Variants in PAQR5 observed in about 807,000 individuals in gnomAD.
PAQR5 encodes the protein membrane progestin receptor gamma.
Under a neutral mutation model 34.5 loss-of-function variants are expected in PAQR5, and 20 were observed. The ratio of observed to expected loss-of-function variants is 0.58; its 90% CI spans 0.41 to 0.84. The LOEUF is 0.84. PAQR5 is among the 40% of genes least tolerant of loss of function. The pLI is 0.00. For missense variants in PAQR5, 378 were observed against 412.7 expected (o/e 0.92, Z 0.73); for synonymous variants, 131 against 155.6 (o/e 0.84, Z 1.18).
rs956881974 is a variant in PAQR5 at position 69,349,644 on chromosome 15, T to TA, written c.-115-10322_-115-10321insA. Among the ~76,000 whole-genome samples, 8 of 151,930 alleles carry TA rather than the reference T, an allele frequency of 5.3e-5. 1 individual carries two copies. Among genetic ancestry groups the TA allele is most frequent in the African/African-American group, 1.9e-4 (8 of 41,350 alleles). On this transcript the variant is annotated intron_variant, in intron 2 of 8. Transcript: ENST00000395407. Reference sequence around the variant, plus strand: ...GATCTCCCTTAGTTTATTTTTATTTTTTTTTTTATTTTTTGAGACGGAGTT... The same window carrying TA: ...GATCTCCCTTAGTTTATTTTTATTTTATTTTTTTATTTTTTGAGACGGAGTT...
At chr15:69,347,705 C>T (rs997621121) in intron 2 of PAQR5, among the ~76,000 whole-genome samples, 1 of 152,252 alleles carries the variant, frequency 6.6e-6, no homozygotes, top group African/African-American at 2.4e-5. Context: ...GTTCAGGAGG[C>T]TGGAACTTCA....
intron 3 of PAQR5, among the ~76,000 whole-genome samples, chr15:69,366,928 G>T (rs997060981): frequency 2.0e-5 from 3 of 151,904 alleles, no homozygotes; most frequent in Non-Finnish European, 2.9e-5. Context: ...GTATGATTTT[G>T]TAGTGATTAT....
chr15:69,300,877 C>CTT (rs1202173284), intron 1 of PAQR5, among the ~76,000 whole-genome samples: 1 of 27,736 alleles, frequency 3.6e-5, no homozygotes, highest in East Asian at 1.0e-3. Flanking sequence ...TTCTTTCTTT[C>CTT]TTTCTTTCTT....
At chr15:69,321,147 G>A (rs1262618752) in intron 1 of PAQR5, among the ~76,000 whole-genome samples, 3 of 152,218 alleles carry the variant, frequency 2.0e-5, no homozygotes, top group Non-Finnish European at 2.9e-5. Flanking sequence ...CCACATGTTA[G>A]GAAAGTCTGT....
chr15:69,301,859 A>ATTTTTTTTTTTTTTT lies in PAQR5; in HGVS notation c.-277+2826_-277+2840dup, dbSNP rs71149903. 2.9e-4 allele frequency among the ~76,000 whole-genome samples: 29 copies of ATTTTTTTTTTTTTTT among 98,852 alleles called. 3 individuals carry two copies. Among genetic ancestry groups the ATTTTTTTTTTTTTTT allele is most frequent in the Non-Finnish European group, 4.3e-4 (24 of 55,910 alleles). The allele number at this position is 98,852 out of a possible 152,430, so 64.9% of individuals were successfully genotyped here. A position where few individuals can be genotyped will look rare whatever the true frequency, so the allele number is the denominator to read the frequency against. On this transcript the variant is annotated intron_variant, in intron 1 of 8. Coordinates refer to ENST00000395407, the MANE Select transcript of PAQR5 (RefSeq NM_017705.4). ...GTGAATTCATAAGAAATGGGGGGAG[A>ATTTTTTTTTTTTTTT]TTTTTTTTTTTTTTTTTTTTTTTTT...
At chr15:69,320,500 G>C (rs904849176) in intron 1 of PAQR5, among the ~76,000 whole-genome samples, 1 of 152,036 alleles carries the variant, frequency 6.6e-6, no homozygotes, top group Non-Finnish European at 1.5e-5. Context: ...TGCATGCTCG[G>C]GTAAGATCAC....
Position 69,374,434 on chromosome 15 carries a change from G to T in PAQR5, c.52-5449G>T, listed in dbSNP as rs8025288. Among the ~76,000 whole-genome samples, 1,170 of 152,260 alleles carry T rather than the reference G, an allele frequency of 7.7e-3. 15 individuals carry two copies. The highest frequency in any genetic ancestry group is 0.027 in the African/African-American group (1,122 of 41,552). ...CTCACGTCTGTAATCCCAGCATTTT[G>T]GGAGGCCAAGGCTGGTGGATCACCT... On this transcript the variant is annotated intron_variant, in intron 3 of 8. Transcript: ENST00000395407.
At chr15:69,332,535 G>T (rs1210350944) in intron 1 of PAQR5, among the ~76,000 whole-genome samples, 1 of 152,094 alleles carries the variant, frequency 6.6e-6, no homozygotes, top group Non-Finnish European at 1.5e-5. Context: ...CTCCTTCTGG[G>T]GAGAGGAATA....
intron 1 of PAQR5, among the ~76,000 whole-genome samples, chr15:69,301,983 G>A (rs921083634): frequency 6.6e-6 from 1 of 150,426 alleles, no homozygotes; most frequent in Admixed American, 6.6e-5. Context: ...GGTGGTGGGG[G>A]TGGTAGGTTT....
chr15:69,377,409 G>T (rs547161585), intron 3 of PAQR5, among the ~76,000 whole-genome samples: 1 of 152,190 alleles, frequency 6.6e-6, no homozygotes, highest in Non-Finnish European at 1.5e-5. Context: ...CCTGCTGCCC[G>T]TTACAGGAAT....
intron 4 of PAQR5, chr15:69,382,796 A>G (rs377290936): frequency 7.6e-3 from 14 of 1,854 alleles, no homozygotes; most frequent in East Asian, 0.059. Context: ...ATATATATAT[A>G]TGACCATATA....
intron 3 of PAQR5, among the ~76,000 whole-genome samples, chr15:69,375,339 T>C (rs999758770): frequency 2.0e-5 from 3 of 152,086 alleles, no homozygotes; most frequent in Non-Finnish European, 4.4e-5. Flanking sequence ...ACCAGGCAGA[T>C]TGGATTAGGA....
chr15:69,322,784 AGACGAGGAAGAAGAAGAAGAGGAAGAG>A lies in PAQR5; in HGVS notation c.-276-14554_-276-14528del, dbSNP rs1566998100. 9.8e-4 allele frequency among the ~76,000 whole-genome samples: 91 copies of A among 93,318 alleles called. 16 individuals carry two copies. Among genetic ancestry groups the A allele is most frequent in the Non-Finnish European group, 1.4e-3 (65 of 47,368 alleles). The allele number at this position is 93,318 out of a possible 152,430, so 61.2% of individuals were successfully genotyped here. A position where few individuals can be genotyped will look rare whatever the true frequency, so the allele number is the denominator to read the frequency against. On this transcript the variant is annotated intron_variant, in intron 1 of 8. Coordinates refer to ENST00000395407, the MANE Select transcript of PAQR5 (RefSeq NM_017705.4). The stretch of plus-strand genomic sequence containing the variant: ...AAGAAGAAGAAGAGGGAGAAGAAGA[AGACGAGGAAGAAGAAGAAGAGGAAGAG>A]GAAGAAGAAGAAGAAGAAGAAGAAG...
chr15:69,346,127 C>T (rs776795746), intron 2 of PAQR5, among the ~76,000 whole-genome samples: 18 of 151,892 alleles, frequency 1.2e-4, no homozygotes, highest in Non-Finnish European at 2.2e-4. Context: ...CTAGAAATTA[C>T]AATCTGGATT....
At position 69,378,458 on chromosome 15, in the gene PAQR5, AAG is replaced by A. The variant is rs1555421347; in HGVS notation, c.52-1413_52-1412del. ...TCTCAAAAAAAAAAAAAAAAAAAAA[AAG>A]AGAGAGAGAGATAGCACAGACTCTG... On this transcript the variant is annotated intron_variant, in intron 3 of 8. Coordinates refer to ENST00000395407, the MANE Select transcript of PAQR5 (RefSeq NM_017705.4). 1.7e-4 allele frequency among the ~76,000 whole-genome samples: 25 copies of A among 143,838 alleles called. 2 individuals are homozygous for A. Among genetic ancestry groups the A allele is most frequent in the African/African-American group, 7.0e-4 (25 of 35,908 alleles). 94.4% of individuals were successfully genotyped at this position (143,838 alleles called of 152,430 possible). A position where few individuals can be genotyped will look rare whatever the true frequency, so the allele number is the denominator to read the frequency against.
At chr15:69,350,676 C>A (rs1318235028) in intron 2 of PAQR5, among the ~76,000 whole-genome samples, 1 of 151,886 alleles carries the variant, frequency 6.6e-6, no homozygotes, top group Non-Finnish European at 1.5e-5. Context: ...ATCACACACA[C>A]ACACACACAC....
intron 2 of PAQR5, among the ~76,000 whole-genome samples, chr15:69,354,510 T>C (rs1297130599): frequency 6.6e-6 from 1 of 152,226 alleles, no homozygotes; most frequent in Non-Finnish European, 1.5e-5. Context: ...CCTCCTCTTC[T>C]GTGGAAGGGA....
intron 6 of PAQR5, chr15:69,391,797 C>G (rs1277913927): frequency 7.3e-6 from 3 of 413,750 alleles, no homozygotes; most frequent in Non-Finnish European, 9.7e-6. Context: ...TGGCTCACAC[C>G]TGTAATCCCA....
intron 1 of PAQR5, among the ~76,000 whole-genome samples, chr15:69,300,649 CTT>C (rs757203303): frequency 5.8e-5 from 1 of 17,300 alleles, no homozygotes; most frequent in Non-Finnish European, 1.6e-4. Flanking sequence ...TTCTTTCTTT[CTT>C]TTCTTTCTTT....
Sources: allele counts gnomAD v4.1 joint callset (sites outside exome capture counted in the v4.1 genomes callset), GRCh38; gene constraint gnomAD v4.1.1; transcripts MANE v1.5; gene names NCBI Gene and HGNC (gene_info 2026-07-23, HGNC 2026-07-21).